PAK4: variants seen among roughly 807,000 people sequenced by gnomAD.
PAK4 encodes p21 (RAC1) activated kinase 4, also known as serine/threonine-protein kinase PAK 4.
In PAK4, 49 loss-of-function variants were observed where a neutral mutation model predicts 53.5. That is an observed-to-expected ratio of 0.92 (90% CI 0.73 to 1.16). The LOEUF is 1.16. Ranked by LOEUF, PAK4 falls within the 50% of genes most tolerant of loss-of-function variation. The probability of loss-of-function intolerance (pLI) is 0.00; values close to 1 mark genes in which losing one functional copy is unlikely to be tolerated. For synonymous variants in PAK4, 376 were observed against 375.6 expected (o/e 1.00, Z -0.01); for missense variants, 824 against 850.7 (o/e 0.97, Z 0.39).
intron 1 of PAK4, among the ~76,000 whole-genome samples, chr19:39,157,117 G>A (rs1321201348): frequency 2.6e-5 from 4 of 152,144 alleles, no homozygotes; most frequent in South Asian, 2.1e-4. Context: ...AGAAGTTTCC[G>A]TGAGACTGTG....
intron 1 of PAK4, chr19:39,152,271 G>A (rs750604066): frequency 6.6e-6 from 1 of 152,068 alleles, no homozygotes; most frequent in Non-Finnish European, 1.5e-5. Context: ...TGTCCCGCCC[G>A]GGACGTGAAT....
chr19:39,138,184 C>T (rs1043471918), intron 1 of PAK4, among the ~76,000 whole-genome samples: 16 of 152,112 alleles, frequency 1.1e-4, no homozygotes, highest in Non-Finnish European at 1.5e-4. Context: ...GGTGGGGTTT[C>T]ACTATGTTGG....
chr19:39,137,161 AT>A lies in PAK4; in HGVS notation c.-23+11249del, dbSNP rs1244746658. The stretch of plus-strand genomic sequence containing the variant: ...TACATAAATATAAATGTGATTGTTT[AT>A]TTTTTTCCAACAAATTTGGTGGAGT... On this transcript the variant is annotated intron_variant, in intron 1 of 8. Coordinates refer to ENST00000358301, the Ensembl canonical transcript of PAK4. Among the ~76,000 whole-genome samples the A allele has an allele frequency of 5.6e-5, 5 of 89,706 alleles. No individual in the cohort carries two copies. In the South Asian group the frequency reaches 1.5e-3, roughly 26 times the overall value. 58.9% of individuals were successfully genotyped at this position (89,706 alleles called of 152,430 possible).
intron 1 of PAK4, among the ~76,000 whole-genome samples, chr19:39,145,188 G>A (rs191615386): frequency 1.2e-3 from 185 of 152,098 alleles, no homozygotes; most frequent in South Asian, 0.011. Flanking sequence ...CCTCAGGCCC[G>A]CTGCCCAGCT....
At chr19:39,159,339 A>C (rs1439054213) in intron 1 of PAK4, among the ~76,000 whole-genome samples, 1 of 152,200 alleles carries the variant, frequency 6.6e-6, no homozygotes. Context: ...TATAAGGACA[A>C]AGGTAAAATT....
intron 1 of PAK4, among the ~76,000 whole-genome samples, chr19:39,142,869 C>G (rs1355114942): frequency 6.6e-6 from 1 of 152,138 alleles, no homozygotes; most frequent in East Asian, 1.9e-4. Context: ...GGTGACTGGG[C>G]CTCTGGGAGC....
At chr19:39,172,340 A>G (rs1440983198) in intron 2 of PAK4, among the ~76,000 whole-genome samples, 3 of 152,056 alleles carry the variant, frequency 2.0e-5, no homozygotes, top group South Asian at 4.1e-4. Flanking sequence ...GATGCACTGG[A>G]TGCTCTGCCT....
chr19:39,172,798 T>C, intron 2 of PAK4, 120 bp from the exon 4 acceptor site: 2 of 852,696 alleles, frequency 2.3e-6, no homozygotes, highest in South Asian at 1.7e-5. Context: ...TGGCATCTCT[T>C]CATTGCGTCT....
chr19:39,166,495 A>G (rs761004902), intron 1 of PAK4, among the ~76,000 whole-genome samples: 4 of 152,230 alleles, frequency 2.6e-5, no homozygotes, highest in Non-Finnish European at 4.4e-5. Context: ...GCCGTCTTTG[A>G]ACAGAGGAGG....
At chr19:39,143,824 TA>T (rs1465486395) in intron 1 of PAK4, among the ~76,000 whole-genome samples, 1 of 151,664 alleles carries the variant, frequency 6.6e-6, no homozygotes, top group Non-Finnish European at 1.5e-5. Flanking sequence ...ATTTAAAATG[TA>T]AAAGGGCGTG....
chr19:39,170,046 C>T lies in PAK4; in HGVS notation c.204+289C>T, dbSNP rs182714778. ...TGCTGTCTCCCGCAGACTCATGTCC[C>T]GGGGGCCATGCTGCTGTACCCCGGA... On this transcript the variant is annotated intron_variant, in intron 2 of 8. Coordinates refer to ENST00000358301, the Ensembl canonical transcript of PAK4. Among the ~76,000 whole-genome samples, 470 of 152,268 alleles carry T rather than the reference C, an allele frequency of 3.1e-3. 4 individuals are homozygous for T. Among genetic ancestry groups the T allele is most frequent in the African/African-American group, 9.8e-3 (406 of 41,554 alleles).
At chr19:39,134,842 T>C (rs2073780597) in intron 1 of PAK4, 1 of 152,134 alleles carries the variant, frequency 6.6e-6, no homozygotes, top group African/African-American at 2.4e-5. Flanking sequence ...TGACCTCAGG[T>C]GATCCACCCA....
chr19:39,158,711 G>A (rs1032620922), intron 1 of PAK4, among the ~76,000 whole-genome samples: 2 of 152,128 alleles, frequency 1.3e-5, no homozygotes, highest in African/African-American at 2.4e-5. Context: ...TCATCTCTTC[G>A]TTGAGCCACA....
At chr19:39,164,481 G>C (rs1348702941) in intron 1 of PAK4, among the ~76,000 whole-genome samples, 15 of 152,076 alleles carry the variant, frequency 9.9e-5, no homozygotes. Flanking sequence ...ACTCGCCCAT[G>C]CAAAGGCCCT....
At chr19:39,156,413 C>G (rs2074182560) in intron 1 of PAK4, among the ~76,000 whole-genome samples, 2 of 152,186 alleles carry the variant, frequency 1.3e-5, no homozygotes, top group African/African-American at 4.8e-5. Flanking sequence ...TGCAGGTACT[C>G]AGCCTTGCTG....
intron 1 of PAK4, among the ~76,000 whole-genome samples, chr19:39,140,489 G>A (rs962007157): frequency 2.0e-5 from 3 of 152,188 alleles, no homozygotes; most frequent in Non-Finnish European, 1.5e-5. Context: ...CCACCTCTAC[G>A]GTCCCGGGAG....
Position 39,173,776 on chromosome 19 carries a change from C to T in PAK4, c.864C>T (p.Gly288=), listed in dbSNP as rs1429077657. Residue 288 remains glycine (G), a synonymous_variant, in exon 4 of 9, where the codon GGC becomes GGT. Transcript: ENST00000358301. This position sits in a 1 kb window ranked among gnomAD's most constrained non-coding sequence, Gnocchi z 6.9. ...CCCCTGCTGTTCCTGGGCCCCCTGG[C>T]CCCCGCTCACCACAGCGGGAGCCAC... is the stretch of plus-strand genomic sequence containing the variant. The T allele has an allele frequency of 1.3e-6, 2 of 1,599,020 alleles. No homozygotes were observed.
chr19:39,157,368 G>C (rs1207099739), intron 1 of PAK4, among the ~76,000 whole-genome samples: 5 of 152,102 alleles, frequency 3.3e-5, no homozygotes, highest in African/African-American at 4.8e-5. Flanking sequence ...TCTATGTGTG[G>C]ATCTCTTTGG....
At chr19:39,154,462 G>A (rs1600354546) in intron 1 of PAK4, among the ~76,000 whole-genome samples, 1 of 152,174 alleles carries the variant, frequency 6.6e-6, no homozygotes. Context: ...GTCTAGTAGC[G>A]GTTGCCTCCA....
Sources: gnomAD v4.1 joint callset for allele counts (sites outside exome capture counted in the v4.1 genomes callset) on GRCh38, gnomAD v4.1.1 for gene constraint, Gnocchi (gnomAD v3.1) non-coding constraint, MANE v1.5 for transcripts, NCBI Gene and HGNC (gene_info 2026-07-23, HGNC 2026-07-21) for gene names.